Variants in ASTN2 observed in about 807,000 individuals in gnomAD.
ASTN2 encodes astrotactin-2.
Under a neutral mutation model 139.8 loss-of-function variants are expected in ASTN2, and 54 were observed. The observed-to-expected ratio is 0.39, with a 90% CI of 0.31 to 0.48. The LOEUF (loss-of-function observed/expected upper bound fraction) is 0.48. Ranked by LOEUF, ASTN2 falls within the 20% of genes least tolerant of loss-of-function variation. ASTN2 has a pLI of 0.95. For synonymous variants in ASTN2, 756 were observed against 719.5 expected (o/e 1.05, Z -0.81); for missense variants, 1,565 against 1,725.1 (o/e 0.91, Z 1.64).
At chr9:116,835,811 G>A (rs1007512689) in intron 11 of ASTN2, among the ~76,000 whole-genome samples, 2 of 152,054 alleles carry the variant, frequency 1.3e-5, no homozygotes, top group African/African-American at 2.4e-5. Context: ...TTTAGAGAGA[G>A]GTTCTCTCTC....
chr9:117,327,817 GATAA>G (rs1229914910), intron 1 of ASTN2, among the ~76,000 whole-genome samples: 1 of 152,158 alleles, frequency 6.6e-6, no homozygotes, highest in East Asian at 1.9e-4. Flanking sequence ...GGGATCCAGT[GATAA>G]ATAAAGCAAT....
chr9:117,252,859 C>T (rs1464919879), intron 2 of ASTN2, among the ~76,000 whole-genome samples: 1 of 152,124 alleles, frequency 6.6e-6, no homozygotes, highest in Admixed American at 6.5e-5. Context: ...AGTCAGATAA[C>T]CTTGGAGTGA....
intron 19 of ASTN2, among the ~76,000 whole-genome samples, chr9:116,549,960 T>C (rs1416577442): frequency 6.6e-6 from 1 of 152,232 alleles, no homozygotes; most frequent in African/African-American, 2.4e-5. Context: ...TTGCTTATGA[T>C]GTGCTCACTC....
intron 13 of ASTN2, among the ~76,000 whole-genome samples, chr9:116,736,993 G>T (rs1437736002): frequency 6.6e-6 from 1 of 152,204 alleles, no homozygotes; most frequent in Non-Finnish European, 1.5e-5. Context: ...CCCCTTCTCG[G>T]AGGAAGGTTT....
chr9:116,757,171 T>C (rs1474828448), intron 13 of ASTN2, among the ~76,000 whole-genome samples: 1 of 152,184 alleles, frequency 6.6e-6, no homozygotes, highest in Non-Finnish European at 1.5e-5. Flanking sequence ...TGAGTCGCCA[T>C]GCCCTTGTGT....
At chr9:116,579,447 G>A (rs958253876) in intron 19 of ASTN2, among the ~76,000 whole-genome samples, 10 of 152,182 alleles carry the variant, frequency 6.6e-5, no homozygotes, top group African/African-American at 2.2e-4. Flanking sequence ...GGTATAATGT[G>A]AGAAGCAGAG....
At chr9:117,276,243 G>C (rs1476815284) in intron 2 of ASTN2, among the ~76,000 whole-genome samples, 1 of 152,164 alleles carries the variant, frequency 6.6e-6, no homozygotes, top group Non-Finnish European at 1.5e-5. Context: ...CTTTACATTT[G>C]AGGAAACCAA....
At chr9:116,670,118 A>T (rs1235286341) in intron 16 of ASTN2, among the ~76,000 whole-genome samples, 2 of 152,178 alleles carry the variant, frequency 1.3e-5, no homozygotes, top group African/African-American at 4.8e-5. Flanking sequence ...ACTACTTCTC[A>T]TAAAGCCACC....
chr9:117,302,101 G>C (rs1320482306), intron 1 of ASTN2, among the ~76,000 whole-genome samples: 1 of 151,346 alleles, frequency 6.6e-6, no homozygotes, highest in Non-Finnish European at 1.5e-5. Flanking sequence ...GGGTGGGAGG[G>C]GGGGTGACAG....
chr9:116,470,544 T>C (rs1192448689), intron 20 of ASTN2, among the ~76,000 whole-genome samples: 1 of 152,188 alleles, frequency 6.6e-6, no homozygotes, highest in African/African-American at 2.4e-5. Flanking sequence ...ACTGTCTCAT[T>C]GAGAAGGGTG....
rs73655557 is a variant in ASTN2 at position 116,949,963 on chromosome 9, C to G, written c.1889+25245G>C. 2.0e-3 allele frequency among the ~76,000 whole-genome samples: 309 copies of G among 151,976 alleles called. 4 individuals carry two copies. Among genetic ancestry groups the G allele is most frequent in the African/African-American group, 6.8e-3 (281 of 41,464 alleles). ...CATATGGAAAATGTTCAATAAACAG[C>G]AAAGTTTTTCTTTTTTTTTTTTCTT... is the stretch of plus-strand genomic sequence containing the variant. On this transcript the variant is annotated intron_variant, in intron 10 of 22. Coordinates refer to ENST00000313400, the MANE Select transcript of ASTN2 (RefSeq NM_001365068.1).
chr9:116,666,742 A>T (rs747473728), intron 16 of ASTN2, among the ~76,000 whole-genome samples: 1 of 152,052 alleles, frequency 6.6e-6, no homozygotes, highest in Non-Finnish European at 1.5e-5. Context: ...CAGGTGGTGA[A>T]TCCCTAAAAA....
chr9:117,211,240 T>A (rs375535325), intron 3 of ASTN2, among the ~76,000 whole-genome samples: 7 of 152,240 alleles, frequency 4.6e-5, no homozygotes, highest in African/African-American at 1.7e-4. Context: ...TCAAATTCTC[T>A]TATCTTATTC....
intron 6 of ASTN2, among the ~76,000 whole-genome samples, chr9:117,012,042 A>G (rs577723268): frequency 1.8e-4 from 28 of 152,300 alleles, no homozygotes; most frequent in African/African-American, 6.7e-4. Flanking sequence ...GTCCTTATCA[A>G]TCCAACTCTC....
At chr9:116,645,743 G>A (rs2131907491) in intron 17 of ASTN2, among the ~76,000 whole-genome samples, 1 of 152,264 alleles carries the variant, frequency 6.6e-6, no homozygotes, top group South Asian at 2.1e-4. Context: ...TTCCAGCAAT[G>A]TTTATAAAGT....
chr9:117,179,657 A>G (rs1255679348), intron 3 of ASTN2, among the ~76,000 whole-genome samples: 1 of 151,964 alleles, frequency 6.6e-6, no homozygotes, highest in Admixed American at 6.5e-5. Flanking sequence ...TAATGTAACG[A>G]CATGAGGGCT....
At chr9:116,914,832 A>T (rs557014199) in intron 10 of ASTN2, among the ~76,000 whole-genome samples, 34 of 152,228 alleles carry the variant, frequency 2.2e-4, no homozygotes, top group African/African-American at 7.9e-4. Flanking sequence ...CTGCACCTCA[A>T]AGTGGATCCT....
chr9:117,265,339 G>A (rs552448469), intron 2 of ASTN2, among the ~76,000 whole-genome samples: 1 of 152,274 alleles, frequency 6.6e-6, no homozygotes, highest in South Asian at 2.1e-4. Context: ...CACTGGAGTG[G>A]CAAGGGAGGT....
intron 7 of ASTN2, among the ~76,000 whole-genome samples, chr9:116,997,415 C>G (rs1236225417): frequency 2.0e-5 from 3 of 152,156 alleles, no homozygotes; most frequent in African/African-American, 7.2e-5. Context: ...CATGCTGTCA[C>G]AGTTCCTTCT....
Sources: allele counts gnomAD v4.1 joint callset (sites outside exome capture counted in the v4.1 genomes callset), GRCh38; gene constraint gnomAD v4.1.1; transcripts MANE v1.5; gene names NCBI Gene and HGNC (gene_info 2026-07-23, HGNC 2026-07-21).